SLC41A2: variants seen among roughly 807,000 people sequenced by gnomAD.
SLC41A2 encodes the protein solute carrier family 41 member 2, also known as SLC41A1-like 1.
Under a neutral mutation model 58.3 loss-of-function variants are expected in SLC41A2, and 32 were observed. That is an observed-to-expected ratio of 0.55 (90% confidence interval 0.41 to 0.74). The LOEUF is 0.74. Among genes scored for constraint, SLC41A2 ranks in the 30% least tolerant of loss-of-function variants. SLC41A2 has a pLI of 0.00. For synonymous variants in SLC41A2, 190 were observed against 235.0 expected, an observed-to-expected ratio of 0.81 and a Z score of 1.75; for missense variants, 514 against 680.6, an observed-to-expected ratio of 0.76 and a Z score of 2.72.
intron 8 of SLC41A2, among the ~76,000 whole-genome samples, chr12:104,850,867 T>G (rs905845126): frequency 6.6e-6 from 1 of 152,170 alleles, no homozygotes; most frequent in Non-Finnish European, 1.5e-5. Flanking sequence ...GAAAATAAAT[T>G]TCTTTAAAAA....
chr12:104,933,764 G>A (rs2047158174), intron 1 of SLC41A2, among the ~76,000 whole-genome samples: 1 of 149,790 alleles, frequency 6.7e-6, no homozygotes, highest in Admixed American at 6.6e-5. Context: ...AATGTCTTTT[G>A]CAGCAACTTG....
At chr12:104,834,830 G>A (rs1375304085) in intron 10 of SLC41A2, among the ~76,000 whole-genome samples, 3 of 152,118 alleles carry the variant, frequency 2.0e-5, no homozygotes, top group Non-Finnish European at 4.4e-5. Context: ...ACTTGCCTGA[G>A]GCCAAGCTAA....
At chr12:104,839,128 T>G (rs2042317363) in intron 10 of SLC41A2, among the ~76,000 whole-genome samples, 1 of 152,190 alleles carries the variant, frequency 6.6e-6, no homozygotes. Context: ...TAAGAAACAA[T>G]AATTGCCTAA....
intron 10 of SLC41A2, among the ~76,000 whole-genome samples, chr12:104,815,810 G>A (rs2041375044): frequency 6.6e-6 from 1 of 152,092 alleles, no homozygotes; most frequent in African/African-American, 2.4e-5. Context: ...TGTCTGCTAA[G>A]AATAATTTAG....
chr12:104,842,770 T>C lies in SLC41A2; in HGVS notation c.1536+1702A>G, dbSNP rs533727728. ...GTGGATATATGTTGAAATCTATTTT[T>C]AATAAACTAGAAAAATTACTTATAT... On this transcript the variant is annotated intron_variant, in intron 10 of 10. Transcript: ENST00000258538. Among the ~76,000 whole-genome samples, 41 of 152,204 alleles carry C rather than the reference T, an allele frequency of 2.7e-4. No individual in the cohort carries two copies. In the South Asian group the frequency reaches 5.2e-3, roughly 19 times the overall value.
At chr12:104,947,350 C>G (rs139220937) in intron 1 of SLC41A2, among the ~76,000 whole-genome samples, 2,877 of 151,306 alleles carry the variant, frequency 0.019, 31 homozygotes, top group African/African-American at 0.036. Flanking sequence ...ACTACAGGTG[C>G]GCACCACCAT....
chr12:104,883,460 T>C (rs2044491142), intron 6 of SLC41A2, among the ~76,000 whole-genome samples: 1 of 152,242 alleles, frequency 6.6e-6, no homozygotes, highest in Non-Finnish European at 1.5e-5. Flanking sequence ...TGGTTTTATC[T>C]ACCTTTGGTC....
chr12:104,886,558 A>G, intron 5 of SLC41A2, 119 bp from the exon 6 acceptor site: 7 of 978,672 alleles, frequency 7.2e-6, no homozygotes, highest in Non-Finnish European at 8.9e-6. Context: ...CTGCTTAGAT[A>G]AGCTGACTAA....
intron 10 of SLC41A2, among the ~76,000 whole-genome samples, chr12:104,837,632 G>C (rs1281853848): frequency 6.6e-6 from 1 of 152,036 alleles, no homozygotes. Flanking sequence ...GAATAAATAA[G>C]AAGAGTTCTG....
chr12:104,871,743 A>G (rs932361840), intron 6 of SLC41A2, among the ~76,000 whole-genome samples: 1 of 152,218 alleles, frequency 6.6e-6, no homozygotes, highest in East Asian at 1.9e-4. Context: ...GTGCTTTCAA[A>G]AGGAATAAAG....
intron 1 of SLC41A2, among the ~76,000 whole-genome samples, chr12:104,956,079 A>T (rs2048156379): frequency 6.6e-6 from 1 of 152,206 alleles, no homozygotes; most frequent in Admixed American, 6.5e-5. Context: ...GGGATTTTCA[A>T]ATTGAGCATA....
rs538028185 is a variant in SLC41A2 at position 104,928,610 on chromosome 12, G to A, written c.-83C>T. 22 of 770,298 alleles carry A rather than the reference G, an allele frequency of 2.9e-5. No homozygotes were observed. In the South Asian group the frequency reaches 1.0e-3, roughly 36 times the overall value. The allele number at this position is 770,298 out of a possible 1,614,324, so 47.7% of individuals were successfully genotyped here. A position where few individuals can be genotyped will look rare whatever the true frequency, so the allele number is the denominator to read the frequency against. ...GATGAATCAGAACCGCACAAACACT[G>A]GTTTAAATTAAGTTGTTGACTTCAT... On this transcript the variant is annotated 5_prime_UTR_variant, in exon 2 of 11. Coordinates refer to ENST00000258538, the MANE Select transcript of SLC41A2 (RefSeq NM_001352171.3).
chr12:104,884,719 C>T (rs1486970688), intron 6 of SLC41A2, among the ~76,000 whole-genome samples: 2 of 152,190 alleles, frequency 1.3e-5, no homozygotes, highest in African/African-American at 4.8e-5. Flanking sequence ...TCATGCCTAA[C>T]TCATGCCGTT....
intron 8 of SLC41A2, among the ~76,000 whole-genome samples, chr12:104,853,864 C>T (rs1204323423): frequency 2.7e-5 from 4 of 148,906 alleles, no homozygotes; most frequent in Non-Finnish European, 5.9e-5. Context: ...CCACCTCAGC[C>T]TCCCAAGTAG....
Position 104,845,972 on chromosome 12 carries a change from T to C in SLC41A2, c.1258A>G (p.Ile420Val). 6.2e-7 allele frequency: 1 copy of C among 1,611,966 alleles called. No individual in the cohort carries two copies. The highest frequency in any genetic ancestry group is 1.7e-4 in the Middle Eastern group (1 of 6,050). ...TGAATGGCCACCAAATTACCACCAA[T>C]ACCTGAAACACAAGGAAAAACAAAG... ...IVVYTPVING[I>V]GGNLVAIQAS... is the part of the protein sequence containing the mutation. The change falls in exon 9 of 11, where the codon ATT becomes GTT. Residue 420 changes from isoleucine (I) to valine (V), a missense_variant and splice_region_variant. By Grantham distance (29) the Ile-to-Val change is conservative (BLOSUM62 3). Transcript: ENST00000258538.
chr12:104,922,064 A>G (rs2046621165), intron 2 of SLC41A2, among the ~76,000 whole-genome samples: 1 of 152,240 alleles, frequency 6.6e-6, no homozygotes, highest in Non-Finnish European at 1.5e-5. Context: ...GAAACATGCA[A>G]CTAGAGAAAA....
At chr12:104,956,772 T>C (rs986938941) in intron 1 of SLC41A2, among the ~76,000 whole-genome samples, 24 of 152,092 alleles carry the variant, frequency 1.6e-4, no homozygotes, top group African/African-American at 4.8e-4. Flanking sequence ...CCAAAGAAAA[T>C]ATATGAATGG....
intron 8 of SLC41A2, among the ~76,000 whole-genome samples, chr12:104,848,740 G>T (rs1278195760): frequency 6.6e-6 from 1 of 152,040 alleles, no homozygotes; most frequent in Non-Finnish European, 1.5e-5. Flanking sequence ...TTAATAGTTG[G>T]AAAGAAAGTA....
At chr12:104,948,000 A>G (rs1474906153) in intron 1 of SLC41A2, among the ~76,000 whole-genome samples, 2 of 152,216 alleles carry the variant, frequency 1.3e-5, no homozygotes, top group Non-Finnish European at 2.9e-5. Context: ...TTGAAATTCC[A>G]CTAATCTAGA....
Sources: allele counts gnomAD v4.1 joint callset (sites outside exome capture counted in the v4.1 genomes callset), GRCh38; gene constraint gnomAD v4.1.1; transcripts MANE v1.5; gene names NCBI Gene and HGNC (gene_info 2026-07-23, HGNC 2026-07-21).